Variants in SORBS2 observed in about 807,000 individuals in gnomAD.
SORBS2 encodes sorbin and SH3 domain containing 2.
Under a neutral mutation model 97.7 loss-of-function variants are expected in SORBS2, and 46 were observed. The observed-to-expected ratio is 0.47, with a 90% CI of 0.37 to 0.60. SORBS2 has a LOEUF of 0.60. Ranked by LOEUF, SORBS2 falls within the 20% of genes least tolerant of loss-of-function variation. The pLI, the probability that SORBS2 is intolerant of heterozygous loss-of-function variation, is 0.00. For synonymous variants in SORBS2, 476 were observed against 473.4 expected (o/e 1.01, Z -0.07); for missense variants, 1,316 against 1,282.3 (o/e 1.03, Z -0.40).
Position 185,684,680 on chromosome 4 carries a change from C to G in SORBS2, c.-197-5858G>C, listed in dbSNP as rs144770070. ...AGATCTCATTTTCCTTTGCTTTTTA[C>G]GTTTAGAACAAAAACAGTCAGAAGA... On this transcript the variant is annotated intron_variant, in intron 2 of 20. Coordinates refer to the SORBS2 transcript ENST00000284776. This position sits in a 1 kb window ranked among gnomAD's most constrained non-coding sequence, Gnocchi z 4.2. 8.3e-6 allele frequency: 9 copies of G among 1,085,208 alleles called. No individual in the cohort carries two copies. The highest frequency in any genetic ancestry group is 2.6e-5 in the East Asian group (1 of 37,890). The allele number at this position is 1,085,208 out of a possible 1,614,324, so 67.2% of individuals were successfully genotyped here.
At chr4:185,922,109 A>C (rs1389877449) in intron 1 of SORBS2, among the ~76,000 whole-genome samples, 1 of 152,248 alleles carries the variant, frequency 6.6e-6, no homozygotes, top group African/African-American at 2.4e-5. Flanking sequence ...CTAATCAGGC[A>C]CATGGTAGCT....
At chr4:185,926,453 C>T (rs1050495210) in intron 1 of SORBS2, among the ~76,000 whole-genome samples, 2 of 150,920 alleles carry the variant, frequency 1.3e-5, no homozygotes, top group East Asian at 2.0e-4. Flanking sequence ...ATGATCATCT[C>T]GGAGGTGATG....
chr4:185,728,156 C>A (rs573079038), intron 2 of SORBS2, among the ~76,000 whole-genome samples: 1 of 152,256 alleles, frequency 6.6e-6, no homozygotes, highest in South Asian at 2.1e-4. Context: ...AGCTAAGGTT[C>A]TCCCTTCCAT....
intron 1 of SORBS2, among the ~76,000 whole-genome samples, chr4:185,907,342 A>G (rs971171032): frequency 6.6e-6 from 1 of 152,234 alleles, no homozygotes; most frequent in African/African-American, 2.4e-5. Flanking sequence ...CTTTTATAGT[A>G]AGAAACTCGT....
At chr4:185,801,075 C>A (rs570827164) in intron 1 of SORBS2, among the ~76,000 whole-genome samples, 19 of 152,306 alleles carry the variant, frequency 1.2e-4, no homozygotes, top group African/African-American at 3.6e-4. Flanking sequence ...AACCACCATT[C>A]GACTCTGTTT....
chr4:185,814,326 T>G (rs909062988), intron 1 of SORBS2, among the ~76,000 whole-genome samples: 2 of 151,534 alleles, frequency 1.3e-5, no homozygotes, highest in Admixed American at 6.6e-5. Context: ...GAGCCCAGGA[T>G]TTGAGACCAG....
intron 2 of SORBS2, among the ~76,000 whole-genome samples, chr4:185,724,914 G>C (rs2153564412): frequency 6.6e-6 from 1 of 152,244 alleles, no homozygotes; most frequent in South Asian, 2.1e-4. Context: ...CTTCACGTCT[G>C]TTTCTCTCAC....
At chr4:185,657,471 C>T, upstream of SORBS2, 1 of 1,565,724 alleles carries the variant, frequency 6.4e-7, no homozygotes, top group Non-Finnish European at 8.6e-7. Flanking sequence ...GGCCCGATCC[C>T]TGGGTAATGC....
chr4:185,661,683 C>T (rs1260381138), upstream of SORBS2, among the ~76,000 whole-genome samples: 2 of 152,186 alleles, frequency 1.3e-5, no homozygotes, highest in Non-Finnish European at 2.9e-5. Flanking sequence ...GTGGGACAGC[C>T]TGTCCTCCTG....
At chr4:185,764,057 A>G (rs999570729) in intron 2 of SORBS2, among the ~76,000 whole-genome samples, 11 of 152,218 alleles carry the variant, frequency 7.2e-5, no homozygotes, top group Non-Finnish European at 1.3e-4. Context: ...AAATTAAATT[A>G]CACGAAATAT....
chr4:185,587,959 A>G, intron 14 of SORBS2: 1 of 366,366 alleles, frequency 2.7e-6, no homozygotes, highest in Non-Finnish European at 5.0e-6. Context: ...GCTAAAGGGA[A>G]AGTCAGCCCT....
rs1405582524 is a variant in SORBS2 at position 185,731,860 on chromosome 4, CTCTCTCTATATATATATATATATATA to C, written c.-198+43341_-198+43366del. On this transcript the variant is annotated intron_variant, in intron 2 of 20. Coordinates refer to the SORBS2 transcript ENST00000284776. ...TCTCTCTCTCTCTCTCTCTCTCTCT[CTCTCTCTATATATATATATATATATA>C]TATATATATATATATATATATATGT... Among the ~76,000 whole-genome samples the C allele has an allele frequency of 1.5e-3, 53 of 34,278 alleles. No individual in the cohort carries two copies. The South Asian group carries it at 0.019, about 12-fold the overall frequency. The allele number at this position is 34,278 out of a possible 152,430, so 22.5% of individuals were successfully genotyped here.
intron 1 of SORBS2, among the ~76,000 whole-genome samples, chr4:185,814,970 G>A (rs1048327687): frequency 6.6e-6 from 1 of 152,216 alleles, no homozygotes; most frequent in Non-Finnish European, 1.5e-5. Context: ...GTTTTAAAAT[G>A]TGCTAGATAC....
chr4:185,653,321 A>C (rs1441965758), intron 1 of SORBS2, among the ~76,000 whole-genome samples: 1 of 152,258 alleles, frequency 6.6e-6, no homozygotes, highest in African/African-American at 2.4e-5. Context: ...ATGATAACAG[A>C]GTGTATACAA....
chr4:185,696,449 G>A (rs1272917758), intron 2 of SORBS2, among the ~76,000 whole-genome samples: 1 of 152,016 alleles, frequency 6.6e-6, no homozygotes, highest in East Asian at 1.9e-4. Context: ...CATTGGTCCA[G>A]CACCTTACTT....
intron 1 of SORBS2, among the ~76,000 whole-genome samples, chr4:185,892,954 C>A (rs1031793323): frequency 6.6e-6 from 1 of 151,618 alleles, no homozygotes; most frequent in Non-Finnish European, 1.5e-5. Context: ...TGGGGAGAAA[C>A]CTTGAGCAAG....
chr4:185,770,589 T>C (rs1005050592), intron 2 of SORBS2, among the ~76,000 whole-genome samples: 1 of 152,234 alleles, frequency 6.6e-6, no homozygotes, highest in African/African-American at 2.4e-5. Flanking sequence ...TAGAAATGAC[T>C]GTTTAATCTG....
chr4:185,888,162 T>G (rs1478043619), intron 1 of SORBS2, among the ~76,000 whole-genome samples: 1 of 152,166 alleles, frequency 6.6e-6, no homozygotes, highest in Non-Finnish European at 1.5e-5. Context: ...CTCTGTAAAA[T>G]GCTCGTGCTA....
intron 1 of SORBS2, among the ~76,000 whole-genome samples, chr4:185,910,750 A>G (rs570470787): frequency 6.6e-6 from 1 of 152,242 alleles, no homozygotes; most frequent in Non-Finnish European, 1.5e-5. Flanking sequence ...TGCAACTTTT[A>G]TTCTATAACC....
Sources: gnomAD v4.1 joint callset for allele counts (sites outside exome capture counted in the v4.1 genomes callset) on GRCh38, gnomAD v4.1.1 for gene constraint, Gnocchi (gnomAD v3.1) non-coding constraint, MANE v1.5 for transcripts, NCBI Gene and HGNC (gene_info 2026-07-23, HGNC 2026-07-21) for gene names.